Variants in EHBP1 observed in about 807,000 individuals in gnomAD.
The protein encoded by EHBP1 is EH domain binding protein 1, also known as EH domain-binding protein 1.
Under a neutral mutation model 144.0 loss-of-function variants are expected in EHBP1, and 55 were observed. The observed-to-expected ratio is 0.38, with a 90% CI of 0.31 to 0.48. EHBP1 has a LOEUF of 0.48. Among genes scored for constraint, EHBP1 ranks in the 20% least tolerant of loss-of-function variants. The pLI is 0.98. For missense variants in EHBP1, 1,200 were observed against 1,364.2 expected, an observed-to-expected ratio of 0.88 and a Z score of 1.90; for synonymous variants, 469 against 472.7, an observed-to-expected ratio of 0.99 and a Z score of 0.10.
intron 12 of EHBP1, 52 bp from the exon 13 acceptor site, chr2:62,948,208 T>C: frequency 1.4e-6 from 2 of 1,421,088 alleles, no homozygotes; most frequent in South Asian, 3.3e-5. Flanking sequence ...TTTTAAAATG[T>C]GTGAATTATA....
intron 18 of EHBP1, among the ~76,000 whole-genome samples, chr2:62,995,088 T>A (rs1352102414): frequency 2.0e-5 from 3 of 152,144 alleles, no homozygotes; most frequent in African/African-American, 7.2e-5. Context: ...AAATAAAATA[T>A]CCCTTTTGAA....
chr2:62,793,265 T>C (rs2043292682), intron 5 of EHBP1, among the ~76,000 whole-genome samples: 1 of 152,124 alleles, frequency 6.6e-6, no homozygotes, highest in Non-Finnish European at 1.5e-5. Context: ...TAACTAAACA[T>C]ATCCACAATG....
chr2:62,682,246 C>T (rs1240929697), intron 1 of EHBP1, among the ~76,000 whole-genome samples: 1 of 152,144 alleles, frequency 6.6e-6, no homozygotes, highest in Non-Finnish European at 1.5e-5. Flanking sequence ...TAATTGTTTA[C>T]TAGGGTGTGT....
At chr2:62,728,421 A>G (rs79379062) in intron 2 of EHBP1, among the ~76,000 whole-genome samples, 2 of 152,196 alleles carry the variant, frequency 1.3e-5, no homozygotes, top group South Asian at 4.2e-4. Context: ...TGTCTTTTTT[A>G]TTTTAGCCAT....
At chr2:62,878,267 A>G (rs2051062985) in intron 10 of EHBP1, among the ~76,000 whole-genome samples, 1 of 152,212 alleles carries the variant, frequency 6.6e-6, no homozygotes, top group African/African-American at 2.4e-5. Context: ...TGAACCAGGA[A>G]GAAATTGAAA....
chr2:62,690,180 C>A (rs956030053), intron 1 of EHBP1, among the ~76,000 whole-genome samples: 13 of 152,188 alleles, frequency 8.5e-5, no homozygotes, highest in Non-Finnish European at 1.9e-4. Flanking sequence ...GACAAAGCCT[C>A]TGGGTGCCTC....
At chr2:62,826,295 C>T in intron 6 of EHBP1, 27 bp downstream of exon 6, 14 of 1,562,286 alleles carry the variant, frequency 9.0e-6, no homozygotes, top group Non-Finnish European at 1.2e-5. Context: ...AAATAAGCTT[C>T]CTTACATTGT....
rs542152708 is a variant in EHBP1, at chr2:62,928,499, T to C, written c.1186-14219T>C. On this transcript the variant is annotated intron_variant, in intron 10 of 22. Coordinates refer to ENST00000431489, the MANE Select transcript of EHBP1 (RefSeq NM_001142616.3). ...TAGACTATAACAAAGAGGACAGCAT[T>C]CATGGAACCACTTAGGAAAGAGCAA... 2.8e-4 allele frequency among the ~76,000 whole-genome samples: 43 copies of C among 152,238 alleles called. 1 individual carries two copies. In the South Asian group the frequency reaches 8.3e-3, roughly 29 times the overall value.
At chr2:62,971,319 C>A (rs1389379183) in intron 14 of EHBP1, among the ~76,000 whole-genome samples, 1 of 152,094 alleles carries the variant, frequency 6.6e-6, no homozygotes, top group Non-Finnish European at 1.5e-5. Flanking sequence ...TATCACTTTT[C>A]TAAAGGCTTA....
chr2:62,833,913 A>G (rs1340954567), intron 7 of EHBP1, among the ~76,000 whole-genome samples: 3 of 152,208 alleles, frequency 2.0e-5, no homozygotes, highest in Non-Finnish European at 4.4e-5. Context: ...CAAAATATCA[A>G]CATCAACAGG....
chr2:62,739,597 A>G (rs926828668), intron 2 of EHBP1, among the ~76,000 whole-genome samples: 2 of 152,128 alleles, frequency 1.3e-5, no homozygotes, highest in African/African-American at 4.8e-5. Flanking sequence ...TATTGCACAC[A>G]TATACAGCAG....
chr2:62,778,426 C>T (rs2042189541), intron 5 of EHBP1, among the ~76,000 whole-genome samples: 1 of 151,926 alleles, frequency 6.6e-6, no homozygotes, highest in Non-Finnish European at 1.5e-5. Flanking sequence ...TGCTTGTAGA[C>T]CCAACTACTT....
chr2:62,793,828 A>G (rs1384368452), intron 5 of EHBP1, among the ~76,000 whole-genome samples: 3 of 152,132 alleles, frequency 2.0e-5, no homozygotes, highest in Admixed American at 6.6e-5. Context: ...TCCAATAGAA[A>G]TAAACAATGG....
At chr2:62,923,167 AC>A (rs1364284795) in intron 10 of EHBP1, among the ~76,000 whole-genome samples, 4 of 152,224 alleles carry the variant, frequency 2.6e-5, no homozygotes, top group South Asian at 4.1e-4. Flanking sequence ...CTCCAAACCT[AC>A]ACCAGTGGCT....
At chr2:62,730,833 CAGAG>C (rs911440652) in intron 2 of EHBP1, among the ~76,000 whole-genome samples, 2 of 113,564 alleles carry the variant, frequency 1.8e-5, no homozygotes, top group Non-Finnish European at 1.9e-5. Flanking sequence ...AAGAGAGAAA[CAGAG>C]AGACGGAGAG....
Position 62,749,001 on chromosome 2 carries a change from T to C in EHBP1, c.162+1549T>C, listed in dbSNP as rs577121896. On this transcript the variant is annotated intron_variant, in intron 3 of 22. Coordinates refer to ENST00000431489, the MANE Select transcript of EHBP1 (RefSeq NM_001142616.3). ...CACTTTTTTCTTTTTTATTTTATTA[T>C]ACTTTTAAGTTCTAGGGTACATGTG... is the stretch of plus-strand genomic sequence containing the variant. Among the ~76,000 whole-genome samples the C allele has an allele frequency of 3.3e-5, 5 of 152,326 alleles. No homozygotes were observed. The South Asian group carries it at 1.0e-3, about 32-fold the overall frequency.
chr2:62,898,680 A>G (rs955890785), intron 10 of EHBP1, among the ~76,000 whole-genome samples: 2 of 152,116 alleles, frequency 1.3e-5, no homozygotes, highest in African/African-American at 4.8e-5. Flanking sequence ...ATTGGTGCTT[A>G]GTATGCAATA....
chr2:63,002,864 T>C (rs1444671830), intron 19 of EHBP1, among the ~76,000 whole-genome samples: 1 of 152,054 alleles, frequency 6.6e-6, no homozygotes, highest in Non-Finnish European at 1.5e-5. Context: ...ATTTTTATGA[T>C]CCAACTCATA....
chr2:62,938,371 C>T lies in EHBP1; in HGVS notation c.1186-4347C>T, dbSNP rs116744186. Among the ~76,000 whole-genome samples the T allele has an allele frequency of 3.2e-3, 480 of 152,128 alleles. 3 individuals are homozygous for T. The highest frequency in any genetic ancestry group is 0.011 in the African/African-American group (451 of 41,468). On this transcript the variant is annotated intron_variant, in intron 10 of 22. Transcript: ENST00000431489. The stretch of plus-strand genomic sequence containing the variant: ...GCCTAGAGGAATATGTGGCTGTATC[C>T]GTGGAAGAAGGGCAGACAGCAAAAG...
Sources: allele counts gnomAD v4.1 joint callset (sites outside exome capture counted in the v4.1 genomes callset), GRCh38; gene constraint gnomAD v4.1.1; transcripts MANE v1.5; gene names NCBI Gene and HGNC (gene_info 2026-07-23, HGNC 2026-07-21).